Variants in ICA1 observed in about 807,000 individuals in gnomAD.
ICA1 encodes the protein 69 kDa islet cell autoantigen.
ICA1 carries 40 observed loss-of-function variants against 71.0 expected under a neutral mutation model. The observed-to-expected ratio is 0.56, with a 90% CI of 0.44 to 0.73. The LOEUF is 0.73. Ranked by LOEUF, ICA1 falls within the 30% of genes least tolerant of loss-of-function variation. The probability of loss-of-function intolerance (pLI) is 0.00; values close to 1 mark genes in which losing one functional copy is unlikely to be tolerated. For missense variants in ICA1, 578 were observed against 576.5 expected (o/e 1.00, Z -0.03); for synonymous variants, 207 against 209.5 (o/e 0.99, Z 0.10).
At chr7:8,150,317 G>C (rs1406089724) in intron 8 of ICA1, among the ~76,000 whole-genome samples, 1 of 152,206 alleles carries the variant, frequency 6.6e-6, no homozygotes, top group Non-Finnish European at 1.5e-5. Flanking sequence ...ACAGTACCAA[G>C]CTCATACCAA....
At chr7:8,156,839 C>T in intron 8 of ICA1, 1 of 1,488,046 alleles carries the variant, frequency 6.7e-7, no homozygotes, top group South Asian at 1.4e-5. Context: ...CACCACAATT[C>T]ATCTCCCAGG....
intron 1 of ICA1, among the ~76,000 whole-genome samples, chr7:8,244,793 C>G (rs1439421706): frequency 1.3e-5 from 2 of 152,166 alleles, no homozygotes; most frequent in African/African-American, 4.8e-5. Context: ...ATGCAGCTAA[C>G]AGACACATGA....
At chr7:8,255,229 A>C (rs1465317255) in intron 1 of ICA1, among the ~76,000 whole-genome samples, 2 of 152,108 alleles carry the variant, frequency 1.3e-5, no homozygotes, top group East Asian at 3.9e-4. Flanking sequence ...CACAGTCAAG[A>C]GTTCTAAGCC....
chr7:8,157,237 T>C, intron 7 of ICA1, 23 bp from the exon 8 acceptor site: 1 of 1,573,968 alleles, frequency 6.4e-7, no homozygotes, highest in Non-Finnish European at 8.6e-7. Flanking sequence ...ACAGTAAAGC[T>C]ATTAATGTTT....
At chr7:8,195,042 T>C (rs1786967835) in intron 6 of ICA1, among the ~76,000 whole-genome samples, 1 of 152,294 alleles carries the variant, frequency 6.6e-6, no homozygotes, top group East Asian at 1.9e-4. Flanking sequence ...GAAAATAACC[T>C]GGTTTAAAAA....
intron 1 of ICA1, among the ~76,000 whole-genome samples, chr7:8,247,246 G>A (rs1261563309): frequency 2.6e-5 from 4 of 152,112 alleles, no homozygotes; most frequent in African/African-American, 9.7e-5. Flanking sequence ...GAGCCCAGGA[G>A]TTTGAGACCA....
At chr7:8,197,179 G>C (rs1243461342) in intron 6 of ICA1, among the ~76,000 whole-genome samples, 2 of 150,686 alleles carry the variant, frequency 1.3e-5, no homozygotes, top group African/African-American at 4.9e-5. Flanking sequence ...AAAAAAAAAA[G>C]ACAGATGGTA....
intron 6 of ICA1, among the ~76,000 whole-genome samples, chr7:8,188,571 A>C (rs1244873332): frequency 1.3e-5 from 2 of 152,148 alleles, no homozygotes; most frequent in Non-Finnish European, 2.9e-5. Context: ...AGTGTGGAGT[A>C]AGGGTGGAAG....
chr7:8,152,403 A>G (rs988503488), intron 8 of ICA1, among the ~76,000 whole-genome samples: 6 of 151,890 alleles, frequency 4.0e-5, no homozygotes, highest in Non-Finnish European at 7.4e-5. Context: ...CATCCCCATT[A>G]CCAGCACTAT....
At chr7:8,169,863 T>C (rs1209599228) in intron 6 of ICA1, among the ~76,000 whole-genome samples, 1 of 151,004 alleles carries the variant, frequency 6.6e-6, no homozygotes, top group East Asian at 1.9e-4. Context: ...ATTTACCAAG[T>C]TTTCTTTTAT....
chr7:8,180,976 T>C (rs1030869528), intron 6 of ICA1, among the ~76,000 whole-genome samples: 8 of 152,072 alleles, frequency 5.3e-5, no homozygotes, highest in East Asian at 1.9e-4. Context: ...AATGAAAAGA[T>C]TGAATTTTCA....
At chr7:8,189,545 A>T (rs972838905) in intron 6 of ICA1, among the ~76,000 whole-genome samples, 2 of 152,170 alleles carry the variant, frequency 1.3e-5, no homozygotes, top group African/African-American at 4.8e-5. Flanking sequence ...ACATTTTCCC[A>T]TGGAGGCAGG....
Position 8,132,738 on chromosome 7 carries a change from C to T in ICA1, c.1061-4596G>A, listed in dbSNP as rs1180480072. Among the ~76,000 whole-genome samples, 1 of 152,218 alleles carries T rather than the reference C, an allele frequency of 6.6e-6. No homozygotes were observed. Among genetic ancestry groups the T allele is most frequent in the African/African-American group, 2.4e-5 (1 of 41,454 alleles). On this transcript the variant is annotated intron_variant, in intron 12 of 13. Transcript: ENST00000402384. The surrounding 1 kb of genome is among the most constrained non-coding windows in gnomAD (Gnocchi z 4.5). ...GTTTCATCCCAAACCATCATACCTTCCCTACATTCTCTATAGAAGATCTTT... is the reference window on the plus strand; with the variant it reads ...GTTTCATCCCAAACCATCATACCTTTCCTACATTCTCTATAGAAGATCTTT...
chr7:8,125,465 G>T (rs953937438), intron 13 of ICA1, among the ~76,000 whole-genome samples: 1 of 152,192 alleles, frequency 6.6e-6, no homozygotes, highest in African/African-American at 2.4e-5. Flanking sequence ...TCTCTGCTCA[G>T]ATCTCATCTT....
chr7:8,232,888 T>G (rs180979744), intron 2 of ICA1, 133 bp from the exon 3 acceptor site: 189 of 726,706 alleles, frequency 2.6e-4, no homozygotes, highest in Non-Finnish European at 3.6e-4. Context: ...GTATGAGCAC[T>G]TTCTTATCTG....
intron 6 of ICA1, among the ~76,000 whole-genome samples, chr7:8,190,041 G>A (rs1382704707): frequency 1.3e-5 from 2 of 152,208 alleles, no homozygotes; most frequent in African/African-American, 4.8e-5. Flanking sequence ...GACCAGAACT[G>A]AGTAATATTA....
In ICA1 at chr7:8,138,999, T is replaced by C. The variant is rs1794312329; in HGVS notation, c.1004A>G (p.His335Arg). 6.2e-7 allele frequency: 1 copy of C among 1,613,314 alleles called. No individual in the cohort carries two copies. The change falls in exon 11 of 14, where the codon CAT becomes CGT. Residue 335 changes from histidine to arginine, a missense_variant. Transcript: ENST00000402384. ...ILSALDKGST[H>R]TACSGPIDEL... is the part of the protein sequence containing the mutation. The stretch of plus-strand genomic sequence containing the variant: ...ATCTAGGTTACCTGAGCATGCAGTA[T>C]GTGTAGAGCCTTTGTCTAAGGCAGA...
chr7:8,258,912 T>C (rs1293826087), intron 1 of ICA1, among the ~76,000 whole-genome samples: 1 of 152,194 alleles, frequency 6.6e-6, no homozygotes. Context: ...GAGATTATAA[T>C]ATCTACTTAT....
At chr7:8,260,727 T>C (rs942689862) in intron 1 of ICA1, among the ~76,000 whole-genome samples, 11 of 152,242 alleles carry the variant, frequency 7.2e-5, no homozygotes, top group Admixed American at 1.3e-4. Context: ...GTTTCAAAAA[T>C]AAAGACTGAA....
Sources: gnomAD v4.1 joint callset for allele counts (sites outside exome capture counted in the v4.1 genomes callset) on GRCh38, gnomAD v4.1.1 for gene constraint, Gnocchi (gnomAD v3.1) non-coding constraint, MANE v1.5 for transcripts, NCBI Gene and HGNC (gene_info 2026-07-23, HGNC 2026-07-21) for gene names.